The following STAG1 variants were observed in gnomAD, a reference collection of about 807,000 sequenced individuals.
STAG1 encodes cohesin subunit SA-1.
In STAG1, 26 loss-of-function variants were observed where a neutral mutation model predicts 170.9. That is an observed-to-expected ratio of 0.15 (90% confidence interval 0.11 to 0.21). The LOEUF is 0.21. Among genes scored for constraint, STAG1 ranks in the 10% least tolerant of loss-of-function variants. STAG1 has a pLI of 1.00. For synonymous variants in STAG1, 514 were observed against 497.7 expected, an observed-to-expected ratio of 1.03 and a Z score of -0.44; for missense variants, 964 against 1,509.5, an observed-to-expected ratio of 0.64 and a Z score of 5.99.
intron 5 of STAG1, among the ~76,000 whole-genome samples, chr3:136,558,239 A>G (rs1323748131): frequency 3.9e-5 from 6 of 152,130 alleles, no homozygotes; most frequent in Non-Finnish European, 8.8e-5. Flanking sequence ...TAAAAATACA[A>G]AAATTAGCCA....
At chr3:136,514,921 G>GGCC (rs1389637312) in intron 7 of STAG1, among the ~76,000 whole-genome samples, 1 of 152,090 alleles carries the variant, frequency 6.6e-6, no homozygotes, top group Admixed American at 6.5e-5. Context: ...GTGGGGTGGG[G>GGCC]GCAGGGGGAG....
intron 1 of STAG1, among the ~76,000 whole-genome samples, chr3:136,653,878 T>C (rs1235464606): frequency 7.9e-5 from 12 of 152,082 alleles, no homozygotes; most frequent in Non-Finnish European, 1.5e-5. Context: ...ATTAACAGAA[T>C]GAAGAAAATA....
At chr3:136,645,484 TC>T (rs1438627215) in intron 1 of STAG1, among the ~76,000 whole-genome samples, 1 of 152,230 alleles carries the variant, frequency 6.6e-6, no homozygotes, top group African/African-American at 2.4e-5. Flanking sequence ...CTCTTCCTCT[TC>T]TTCCATACCT....
At chr3:136,737,450 C>T (rs1016506367) in intron 1 of STAG1, among the ~76,000 whole-genome samples, 1 of 152,092 alleles carries the variant, frequency 6.6e-6, no homozygotes, top group Non-Finnish European at 1.5e-5. Flanking sequence ...GTTAGCCAGA[C>T]TGGTCTCAAA....
chr3:136,497,701 A>G (rs1933193142), intron 9 of STAG1, among the ~76,000 whole-genome samples: 1 of 151,632 alleles, frequency 6.6e-6, no homozygotes, highest in Admixed American at 6.6e-5. Context: ...AATAAATACA[A>G]AAAATTAGCT....
intron 22 of STAG1, among the ~76,000 whole-genome samples, chr3:136,394,307 G>A (rs1469279933): frequency 6.6e-6 from 1 of 152,152 alleles, no homozygotes; most frequent in Non-Finnish European, 1.5e-5. Context: ...ACTGATGTAC[G>A]ATGACTACTG....
chr3:136,730,183 C>G (rs1044706501), intron 1 of STAG1, among the ~76,000 whole-genome samples: 1 of 151,988 alleles, frequency 6.6e-6, no homozygotes, highest in East Asian at 1.9e-4. Context: ...CCCACACCAC[C>G]ACACCCAATC....
intron 1 of STAG1, among the ~76,000 whole-genome samples, chr3:136,637,693 A>T (rs1940625938): frequency 6.6e-6 from 1 of 152,092 alleles, no homozygotes. Context: ...AAACTGGAAT[A>T]AAAAAAGAAC....
intron 5 of STAG1, among the ~76,000 whole-genome samples, chr3:136,546,582 C>T (rs1460295079): frequency 1.3e-5 from 2 of 152,012 alleles, no homozygotes; most frequent in African/African-American, 4.8e-5. Flanking sequence ...TATGGAAAAG[C>T]AAGGAGTAGA....
chr3:136,565,165 A>G (rs1264758515), intron 5 of STAG1, among the ~76,000 whole-genome samples: 1 of 151,484 alleles, frequency 6.6e-6, no homozygotes, highest in Non-Finnish European at 1.5e-5. Flanking sequence ...GGAAAGGGAA[A>G]GGAAAGGAAA....
chr3:136,702,971 G>A (rs928427473), intron 1 of STAG1, among the ~76,000 whole-genome samples: 1 of 151,168 alleles, frequency 6.6e-6, no homozygotes, highest in African/African-American at 2.4e-5. Flanking sequence ...AGGAGGCTGA[G>A]GCAGGAGAAT....
intron 22 of STAG1, among the ~76,000 whole-genome samples, chr3:136,381,048 A>AAAAG (rs1937934002): frequency 6.6e-6 from 1 of 151,786 alleles, no homozygotes; most frequent in Non-Finnish European, 1.5e-5. Context: ...AAAAAAAAAA[A>AAAAG]AAAAGAAACA....
At chr3:136,740,678 A>G (rs1227606448) in intron 1 of STAG1, among the ~76,000 whole-genome samples, 1 of 151,920 alleles carries the variant, frequency 6.6e-6, no homozygotes, top group Admixed American at 6.6e-5. Flanking sequence ...ACAGGGTTTC[A>G]CTATGTTGCC....
At chr3:136,481,776 C>A (rs1176968450) in intron 9 of STAG1, among the ~76,000 whole-genome samples, 9 of 96,454 alleles carry the variant, frequency 9.3e-5, no homozygotes, top group African/African-American at 3.5e-4. Flanking sequence ...TTGGTCTATT[C>A]AGAGATTCAA....
chr3:136,557,973 C>A (rs1243538484), intron 5 of STAG1, among the ~76,000 whole-genome samples: 1 of 152,048 alleles, frequency 6.6e-6, no homozygotes, highest in Non-Finnish European at 1.5e-5. Flanking sequence ...ACAAAGAGAA[C>A]AAAGACAGAC....
chr3:136,397,455 C>CCT (rs1553801502), intron 22 of STAG1, among the ~76,000 whole-genome samples: 1 of 149,532 alleles, frequency 6.7e-6, no homozygotes, highest in East Asian at 2.0e-4. Flanking sequence ...TTTTTTCTTT[C>CCT]TTTTTTTTTT....
chr3:136,392,108 C>T (rs1023351475), intron 22 of STAG1, among the ~76,000 whole-genome samples: 3 of 152,142 alleles, frequency 2.0e-5, no homozygotes, highest in South Asian at 4.1e-4. Context: ...CTTTAAAAAG[C>T]GATTTGGCAG....
chr3:136,714,525 A>G (rs1206667944), intron 1 of STAG1, among the ~76,000 whole-genome samples: 1 of 151,572 alleles, frequency 6.6e-6, no homozygotes, highest in African/African-American at 2.4e-5. Context: ...TCAGGAGATC[A>G]AGACCATCCT....
chr3:136,423,888 G>C (rs1360068919), intron 16 of STAG1, among the ~76,000 whole-genome samples: 1 of 151,058 alleles, frequency 6.6e-6, no homozygotes, highest in Non-Finnish European at 1.5e-5. Context: ...TTTTGAGACA[G>C]AGTCTTGCTC....
Sources: gnomAD v4.1 joint callset for allele counts (sites outside exome capture counted in the v4.1 genomes callset) on GRCh38, gnomAD v4.1.1 for gene constraint, MANE v1.5 for transcripts, NCBI Gene and HGNC (gene_info 2026-07-23, HGNC 2026-07-21) for gene names.